SH3GL3: variants seen among roughly 807,000 people sequenced by gnomAD.
SH3GL3 encodes SH3 domain containing GRB2 like 3, endophilin A3.
SH3GL3 carries 33 observed loss-of-function variants against 47.7 expected under a neutral mutation model. The observed-to-expected ratio is 0.69, with a 90% CI of 0.52 to 0.92. The LOEUF is 0.92. SH3GL3 is among the 40% of genes least tolerant of loss of function. SH3GL3 has a pLI of 0.00. For synonymous variants in SH3GL3, 155 were observed against 148.8 expected, an observed-to-expected ratio of 1.04 and a Z score of -0.30; for missense variants, 363 against 417.8, an observed-to-expected ratio of 0.87 and a Z score of 1.14.
chr15:83,501,858 T>G (rs967692219), intron 1 of SH3GL3, among the ~76,000 whole-genome samples: 9 of 151,792 alleles, frequency 5.9e-5, no homozygotes, highest in Non-Finnish European at 1.2e-4. Flanking sequence ...GCCACCGCAC[T>G]CCAGCCTGGG....
intron 1 of SH3GL3, among the ~76,000 whole-genome samples, chr15:83,456,074 G>A (rs2039943649): frequency 1.1e-5 from 1 of 91,834 alleles, no homozygotes; most frequent in African/African-American, 3.7e-5. Flanking sequence ...TGCCATGTGA[G>A]ATGTCAGTGT....
intron 8 of SH3GL3, among the ~76,000 whole-genome samples, chr15:83,600,925 A>C (rs952145475): frequency 1.6e-4 from 25 of 151,996 alleles, no homozygotes; most frequent in Admixed American, 1.6e-3. Flanking sequence ...GGTTAGGTAT[A>C]TTTCTAAGTT....
chr15:83,521,377 G>A (rs1185872134), intron 1 of SH3GL3, among the ~76,000 whole-genome samples: 3 of 152,130 alleles, frequency 2.0e-5, no homozygotes, highest in Non-Finnish European at 4.4e-5. Context: ...TTTAGGTGCT[G>A]GGTGACAAAA....
At chr15:83,592,313 C>T (rs2060128941) in intron 8 of SH3GL3, among the ~76,000 whole-genome samples, 1 of 152,134 alleles carries the variant, frequency 6.6e-6, no homozygotes, top group African/African-American at 2.4e-5. Context: ...GTGTAATCAT[C>T]ACTTCCATCA....
chr15:83,592,206 G>C (rs1374713399), intron 8 of SH3GL3, among the ~76,000 whole-genome samples: 3 of 152,094 alleles, frequency 2.0e-5, no homozygotes, highest in African/African-American at 4.8e-5. Flanking sequence ...GAAGATAATG[G>C]CTTAGCTTCC....
Position 83,618,170 on chromosome 15 carries a change from G to A in SH3GL3, c.927G>A (p.Gly309=), listed in dbSNP as rs749837496. The change falls in exon 9 of 9, where the codon GGG becomes GGA. Residue 309 remains glycine (G), a synonymous_variant. Transcript: ENST00000427482. ...AAGGAGAATTAGGATTTAAAGAAGGGGACATCATTACATTAACCAATCAAA... is the reference window on the plus strand; with the variant it reads ...AAGGAGAATTAGGATTTAAAGAAGGAGACATCATTACATTAACCAATCAAA... ...ENQGELGFKE[G]DIITLTNQID... 7 of 1,610,586 alleles carry A rather than the reference G, an allele frequency of 4.3e-6. No homozygotes were observed. Among genetic ancestry groups the A allele is most frequent in the Non-Finnish European group, 3.4e-6 (4 of 1,176,756 alleles).
rs1238468955 is a variant in SH3GL3 at position 83,488,891 on chromosome 15, A to C, written c.45+41313A>C. On this transcript the variant is annotated intron_variant, in intron 1 of 8. Transcript: ENST00000427482. ...CTTTCCTCCATTTTTATTAGTTTTC[A>C]TGGGGACTTAAGTGAGCATCCAGGC... is the stretch of plus-strand genomic sequence containing the variant. Among the ~76,000 whole-genome samples the C allele has an allele frequency of 3.9e-5, 6 of 152,098 alleles. No individual in the cohort carries two copies. In the East Asian group the frequency reaches 9.6e-4, roughly 24 times the overall value.
chr15:83,447,426 A>G lies in SH3GL3; in HGVS notation c.-108A>G. On this transcript the variant is annotated 5_prime_UTR_variant, in exon 1 of 9. Transcript: ENST00000427482. This position sits in a 1 kb window ranked among gnomAD's most constrained non-coding sequence, Gnocchi z 5.1. ...TGGCCGTGGGAGGCGGGCCCGGCGG[A>G]GCCCAGCCGCGGGGGGACCGGCCCG... is the stretch of plus-strand genomic sequence containing the variant. The G allele has an allele frequency of 1.1e-6, 1 of 917,662 alleles. No homozygotes were observed. The highest frequency in any genetic ancestry group is 1.5e-6 in the Non-Finnish European group (1 of 688,688). The allele number at this position is 917,662 out of a possible 1,614,324, so 56.8% of individuals were successfully genotyped here. A position where few individuals can be genotyped will look rare whatever the true frequency, so the allele number is the denominator to read the frequency against.
chr15:83,447,650 T>G lies in SH3GL3; in HGVS notation c.45+72T>G, dbSNP rs1258310244. ...GCGGCCCCCCGAGGCTCCCGGGCCT[T>G]TGGGACTCCTGTTCCCTGAAGGGCC... On this transcript the variant is annotated intron_variant, in intron 1 of 8. Transcript: ENST00000427482. The surrounding 1 kb of genome is among the most constrained non-coding windows in gnomAD (Gnocchi z 5.1). 1 of 1,136,290 alleles carries G rather than the reference T, an allele frequency of 8.8e-7. No homozygotes were observed. Among genetic ancestry groups the G allele is most frequent in the African/African-American group, 1.6e-5 (1 of 61,452 alleles). The allele number at this position is 1,136,290 out of a possible 1,614,324, so 70.4% of individuals were successfully genotyped here.
At chr15:83,486,463 C>A (rs1233763468) in intron 1 of SH3GL3, among the ~76,000 whole-genome samples, 1 of 152,128 alleles carries the variant, frequency 6.6e-6, no homozygotes, top group African/African-American at 2.4e-5. Flanking sequence ...TTTACTTATT[C>A]TGGATATTTT....
intron 1 of SH3GL3, among the ~76,000 whole-genome samples, chr15:83,463,768 T>C (rs1440995416): frequency 1.1e-5 from 1 of 94,512 alleles, no homozygotes; most frequent in Admixed American, 1.4e-4. Flanking sequence ...TCTTTCTTTC[T>C]TTTTTTTTTT....
chr15:83,603,293 T>G (rs1177357843), intron 8 of SH3GL3, among the ~76,000 whole-genome samples: 1 of 152,130 alleles, frequency 6.6e-6, no homozygotes, highest in African/African-American at 2.4e-5. Flanking sequence ...ACAACTTGAT[T>G]TCTTAAAAAA....
the SH3GL3 span, among the ~76,000 whole-genome samples, chr15:83,624,947 G>A: frequency 6.6e-6 from 1 of 152,136 alleles, no homozygotes; most frequent in Non-Finnish European, 1.5e-5. Flanking sequence ...GGAAGGATTT[G>A]TTATGTTCAC....
intron 1 of SH3GL3, among the ~76,000 whole-genome samples, chr15:83,455,158 G>A (rs1385835993): frequency 1.6e-5 from 1 of 63,062 alleles, no homozygotes; most frequent in Admixed American, 2.2e-4. Flanking sequence ...CTGGCCTGTA[G>A]GGTTTCTGCC....
At chr15:83,495,099 C>T (rs1219900088) in intron 1 of SH3GL3, among the ~76,000 whole-genome samples, 2 of 152,140 alleles carry the variant, frequency 1.3e-5, no homozygotes, top group Non-Finnish European at 2.9e-5. Flanking sequence ...TGTGGTCCCC[C>T]CGGTTCTGTC....
chr15:83,569,579 C>T (rs1011851513), intron 4 of SH3GL3, among the ~76,000 whole-genome samples: 1 of 152,068 alleles, frequency 6.6e-6, no homozygotes, highest in African/African-American at 2.4e-5. Context: ...AAAGCATATT[C>T]CCAACCTACC....
intron 1 of SH3GL3, among the ~76,000 whole-genome samples, chr15:83,535,174 T>C (rs1316961192): frequency 6.6e-6 from 1 of 152,076 alleles, no homozygotes; most frequent in Non-Finnish European, 1.5e-5. Flanking sequence ...TCTTGCATAT[T>C]CATTAAAAAA....
chr15:83,463,943 G>C (rs1215762878), intron 1 of SH3GL3, among the ~76,000 whole-genome samples: 1 of 151,908 alleles, frequency 6.6e-6, no homozygotes, highest in Non-Finnish European at 1.5e-5. Flanking sequence ...TGTATTTTTA[G>C]TAGAGATGGG....
At chr15:83,465,048 G>A (rs1206506980) in intron 1 of SH3GL3, among the ~76,000 whole-genome samples, 1 of 149,430 alleles carries the variant, frequency 6.7e-6, no homozygotes, top group Non-Finnish European at 1.5e-5. Flanking sequence ...CAGCTCATGT[G>A]GGAAAAAAAA....
Sources: gnomAD v4.1 joint callset for allele counts (sites outside exome capture counted in the v4.1 genomes callset) on GRCh38, gnomAD v4.1.1 for gene constraint, Gnocchi (gnomAD v3.1) non-coding constraint, MANE v1.5 for transcripts, NCBI Gene and HGNC (gene_info 2026-07-23, HGNC 2026-07-21) for gene names.